The following UMAD1 variants were observed in gnomAD, a reference collection of about 807,000 sequenced individuals.
UMAD1 encodes the protein UBAP1-MVB12-associated (UMA) domain containing 1.
Under a neutral mutation model 6.1 loss-of-function variants are expected in UMAD1, and 8 were observed. That is an observed-to-expected ratio of 1.30 (90% CI 0.76 to 2.35). The LOEUF (loss-of-function observed/expected upper bound fraction) is 2.35, where lower values mean the gene tolerates loss of function less well. Among genes scored for constraint, UMAD1 ranks in the 30% most tolerant of loss-of-function variants. The pLI is 0.00. For missense variants in UMAD1, 130 were observed against 78.4 expected (o/e 1.66, Z -2.49); for synonymous variants, 56 against 31.4 (o/e 1.78, Z -2.61).
chr7:7,642,471 T>A (rs1583684484), intron 1 of UMAD1, among the ~76,000 whole-genome samples: 1 of 1,444 alleles, frequency 6.9e-4, no homozygotes, highest in African/African-American at 1.7e-3. Flanking sequence ...TAATAGTGAT[T>A]TTTTTTTTTT....
intron 2 of UMAD1, among the ~76,000 whole-genome samples, chr7:7,681,608 G>C (rs1779914525): frequency 6.6e-6 from 1 of 152,124 alleles, no homozygotes; most frequent in Non-Finnish European, 1.5e-5. Flanking sequence ...ATTCAGTAAT[G>C]AAGTTGAAGT....
chr7:7,686,277 C>T (rs1780039707), intron 2 of UMAD1, among the ~76,000 whole-genome samples: 1 of 152,068 alleles, frequency 6.6e-6, no homozygotes, highest in Non-Finnish European at 1.5e-5. Context: ...GAGGGTGTAT[C>T]AGGGCCACTA....
chr7:7,710,393 T>C (rs1780725410), intron 2 of UMAD1, among the ~76,000 whole-genome samples: 1 of 151,890 alleles, frequency 6.6e-6, no homozygotes, highest in South Asian at 2.1e-4. Flanking sequence ...AAAACCAAAT[T>C]AGAAAATGGG....
At chr7:7,824,412 C>T (rs1028554826) in intron 3 of UMAD1, among the ~76,000 whole-genome samples, 1 of 152,152 alleles carries the variant, frequency 6.6e-6, no homozygotes, top group African/African-American at 2.4e-5. Context: ...TTCATATCAT[C>T]AGGTTTTGTT....
At chr7:7,682,394 G>C (rs1021390958) in intron 2 of UMAD1, among the ~76,000 whole-genome samples, 1 of 152,056 alleles carries the variant, frequency 6.6e-6, no homozygotes, top group Admixed American at 6.6e-5. Flanking sequence ...TCCTCATTCT[G>C]GGAACCAAAC....
chr7:7,767,473 A>G (rs1303832536), intron 2 of UMAD1, among the ~76,000 whole-genome samples: 1 of 152,210 alleles, frequency 6.6e-6, no homozygotes, highest in Non-Finnish European at 1.5e-5. Flanking sequence ...GTGCGTTGCT[A>G]AGCATGTTTA....
intron 3 of UMAD1, among the ~76,000 whole-genome samples, chr7:7,803,670 G>T (rs1302103471): frequency 6.6e-6 from 1 of 151,340 alleles, no homozygotes; most frequent in Non-Finnish European, 1.5e-5. Context: ...CAAGGTCAAG[G>T]TGCTGGCAGA....
rs748325492 is a variant in UMAD1, at chr7:7,877,545, T to C, written c.*7T>C. The C allele has an allele frequency of 1.8e-4, 129 of 716,732 alleles. No homozygotes were observed. The highest frequency in any genetic ancestry group is 3.4e-5 in the Non-Finnish European group (13 of 384,924). 44.4% of individuals were successfully genotyped at this position (716,732 alleles called of 1,614,324 possible). On this transcript the variant is annotated 3_prime_UTR_variant, in exon 4 of 4. Coordinates refer to ENST00000682710, the MANE Select transcript of UMAD1 (RefSeq NM_001302348.2). The stretch of plus-strand genomic sequence containing the variant: ...AGTGCTCTGTGATTCATAACCTTTA[T>C]GTCTGTTTGCACCTTAACAGCTTTA...
intron 2 of UMAD1, among the ~76,000 whole-genome samples, chr7:7,677,631 C>T (rs1779776300): frequency 6.6e-6 from 1 of 151,048 alleles, no homozygotes; most frequent in Non-Finnish European, 1.5e-5. Context: ...TGTATATGTA[C>T]CACATTTTCT....
rs930283298 is a variant in UMAD1, at chr7:7,877,702, A to C, written c.*164A>C. The C allele has an allele frequency of 3.5e-5, 20 of 578,214 alleles. No homozygotes were observed. The highest frequency in any genetic ancestry group is 3.1e-4 in the Admixed American group (10 of 32,034). 35.8% of individuals were successfully genotyped at this position (578,214 alleles called of 1,614,324 possible). ...TACTCTATTTTTAAGAAAAAGGTAC[A>C]TTTGTATACAAATTGAACTTAAGTT... is the stretch of plus-strand genomic sequence containing the variant. On this transcript the variant is annotated 3_prime_UTR_variant, in exon 4 of 4. Transcript: ENST00000682710.
intron 3 of UMAD1, among the ~76,000 whole-genome samples, chr7:7,869,656 C>T (rs1300150382): frequency 6.6e-6 from 1 of 152,164 alleles, no homozygotes; most frequent in Non-Finnish European, 1.5e-5. Flanking sequence ...ATATAGATGA[C>T]TTTCATATTA....
At chr7:7,864,400 C>A (rs1279105270) in intron 3 of UMAD1, among the ~76,000 whole-genome samples, 1 of 152,024 alleles carries the variant, frequency 6.6e-6, no homozygotes, top group East Asian at 1.9e-4. Flanking sequence ...CAGAGCATAT[C>A]CCAGCAGCTC....
At chr7:7,790,660 G>A (rs535270028) in intron 2 of UMAD1, among the ~76,000 whole-genome samples, 2 of 152,250 alleles carry the variant, frequency 1.3e-5, no homozygotes, top group East Asian at 1.9e-4. Context: ...TTCCTGATAC[G>A]AACACTTTAA....
At chr7:7,818,680 T>G (rs1235006285) in intron 3 of UMAD1, among the ~76,000 whole-genome samples, 2 of 152,218 alleles carry the variant, frequency 1.3e-5, no homozygotes, top group African/African-American at 4.8e-5. Context: ...CAAAGGAATA[T>G]AAATCATTCT....
intron 2 of UMAD1, among the ~76,000 whole-genome samples, chr7:7,779,240 G>C (rs1311995509): frequency 6.6e-6 from 1 of 151,904 alleles, no homozygotes; most frequent in Admixed American, 6.6e-5. Flanking sequence ...TGATGTGAAG[G>C]CCTCATGAAA....
chr7:7,689,040 C>T (rs1170541093), intron 2 of UMAD1, among the ~76,000 whole-genome samples: 2 of 152,154 alleles, frequency 1.3e-5, no homozygotes, highest in African/African-American at 4.8e-5. Context: ...GAGGGGCTTC[C>T]TTTACTTCCC....
chr7:7,818,994 T>A (rs1233384819), intron 3 of UMAD1, among the ~76,000 whole-genome samples: 1 of 151,994 alleles, frequency 6.6e-6, no homozygotes, highest in East Asian at 1.9e-4. Flanking sequence ...GGATTGCAGA[T>A]GCATGCCACA....
In UMAD1 at chr7:7,768,826, C is replaced by T. The variant is rs545956604; in HGVS notation, c.83-32844C>T. 2.0e-5 allele frequency among the ~76,000 whole-genome samples: 3 copies of T among 152,298 alleles called. No individual in the cohort carries two copies. The East Asian group carries it at 5.8e-4, about 29-fold the overall frequency. ...ATGTAATAATTTTGTACTTTCTCTT[C>T]TTCCCCAGACAGTAAGCGTCTTATG... On this transcript the variant is annotated intron_variant, in intron 2 of 3. Coordinates refer to ENST00000682710, the MANE Select transcript of UMAD1 (RefSeq NM_001302348.2).
intron 2 of UMAD1, among the ~76,000 whole-genome samples, chr7:7,737,162 GA>G (rs1481395087): frequency 6.6e-6 from 1 of 152,178 alleles, no homozygotes; most frequent in Non-Finnish European, 1.5e-5. Context: ...TAATTGAGGG[GA>G]AAACCCCATT....
Sources: gnomAD v4.1 joint callset for allele counts (sites outside exome capture counted in the v4.1 genomes callset) on GRCh38, gnomAD v4.1.1 for gene constraint, MANE v1.5 for transcripts, NCBI Gene and HGNC (gene_info 2026-07-23, HGNC 2026-07-21) for gene names.